The following FBXO42 variants were observed in gnomAD, a reference collection of about 807,000 sequenced individuals.
FBXO42 encodes the protein F-box only protein 42.
A neutral mutation model predicts 71.7 loss-of-function variants in FBXO42; 12 were observed. The observed-to-expected ratio is 0.17, with a 90% CI of 0.11 to 0.27. FBXO42 has a LOEUF of 0.27. FBXO42 is among the 10% of genes least tolerant of loss of function. The pLI, the probability that FBXO42 is intolerant of heterozygous loss-of-function variation, is 1.00. For missense variants in FBXO42, 707 were observed against 911.9 expected, an observed-to-expected ratio of 0.78 and a Z score of 2.89; for synonymous variants, 325 against 327.5, an observed-to-expected ratio of 0.99 and a Z score of 0.08.
intron 4 of FBXO42, among the ~76,000 whole-genome samples, chr1:16,257,988 C>CT (rs1179932041): frequency 3.0e-4 from 45 of 150,232 alleles, no homozygotes; most frequent in Non-Finnish European, 5.3e-4. Context: ...GCTGAGAATA[C>CT]TTTTTTTTTT....
intron 4 of FBXO42, among the ~76,000 whole-genome samples, chr1:16,270,437 T>C (rs2081827173): frequency 6.6e-6 from 1 of 152,126 alleles, no homozygotes; most frequent in South Asian, 2.1e-4. Flanking sequence ...CTGAAGTACT[T>C]AGGATTTGTC....
chr1:16,260,190 T>G (rs2081695681), intron 4 of FBXO42, among the ~76,000 whole-genome samples: 2 of 150,020 alleles, frequency 1.3e-5, no homozygotes, highest in Admixed American at 1.3e-4. Flanking sequence ...AGCATCTACA[T>G]CTATTATGTA....
chr1:16,294,535 T>G (rs961636518), intron 4 of FBXO42: 1 of 451,310 alleles, frequency 2.2e-6, no homozygotes, highest in African/African-American at 2.0e-5. Context: ...GAGAAAACCA[T>G]GCAAATGAAT....
At chr1:16,295,323 CA>C (rs1442672331) in intron 3 of FBXO42, among the ~76,000 whole-genome samples, 1 of 152,194 alleles carries the variant, frequency 6.6e-6, no homozygotes, top group Non-Finnish European at 1.5e-5. Flanking sequence ...TCCTTTCCTC[CA>C]ATTCTCCTAT....
At chr1:16,259,108 C>T (rs1440875484) in intron 4 of FBXO42, among the ~76,000 whole-genome samples, 1 of 152,102 alleles carries the variant, frequency 6.6e-6, no homozygotes, top group Non-Finnish European at 1.5e-5. Flanking sequence ...CCTCAAATCC[C>T]ACAAGAATAG....
intron 2 of FBXO42, among the ~76,000 whole-genome samples, chr1:16,307,793 A>C (rs1471848859): frequency 6.6e-6 from 1 of 152,198 alleles, no homozygotes; most frequent in Non-Finnish European, 1.5e-5. Flanking sequence ...CAAAGAACTA[A>C]ATAAAGAGAT....
chr1:16,255,907 T>TAGGATTATCATTTTA, intron 5 of FBXO42, 86 bp from the exon 6 acceptor site: 1 of 886,512 alleles, frequency 1.1e-6, no homozygotes, highest in Non-Finnish European at 1.7e-6. Context: ...TTTAAAATGA[T>TAGGATTATCATTTTA]AATCCTATCA....
intron 3 of FBXO42, among the ~76,000 whole-genome samples, chr1:16,299,460 C>T (rs2100542051): frequency 6.6e-6 from 1 of 152,220 alleles, no homozygotes; most frequent in East Asian, 1.9e-4. Flanking sequence ...AAGAGGAAGG[C>T]ACAGCCCAAA....
In FBXO42 at chr1:16,329,450, G is replaced by A. The variant is rs185929855; in HGVS notation, c.-17-14015C>T. ...ATACAAAAAATTAGCCAGGCGTGGC[G>A]GTGTGCGCCTGTAGTCCCAGCTACT... is the stretch of plus-strand genomic sequence containing the variant. On this transcript the variant is annotated intron_variant, in intron 1 of 9. Transcript: ENST00000375592. Among the ~76,000 whole-genome samples, 700 of 151,916 alleles carry A rather than the reference G, an allele frequency of 4.6e-3. 7 individuals carry two copies. The highest frequency in any genetic ancestry group is 0.016 in the African/African-American group (672 of 41,454).
chr1:16,268,635 T>A (rs2081803530), intron 4 of FBXO42, among the ~76,000 whole-genome samples: 1 of 151,986 alleles, frequency 6.6e-6, no homozygotes, highest in Admixed American at 6.5e-5. Flanking sequence ...AAATAACATC[T>A]TAACTCCTTC....
chr1:16,276,000 G>A (rs1056504316), intron 4 of FBXO42, among the ~76,000 whole-genome samples: 2 of 152,000 alleles, frequency 1.3e-5, no homozygotes, highest in African/African-American at 4.8e-5. Context: ...GAGCCTCCTA[G>A]AATTCAAGGT....
chr1:16,277,012 A>G (rs537824760), intron 4 of FBXO42, among the ~76,000 whole-genome samples: 20 of 152,378 alleles, frequency 1.3e-4, no homozygotes, highest in Admixed American at 1.3e-3. Context: ...AACATGGAGG[A>G]GAAATAGCTA....
chr1:16,278,368 AC>A (rs1171414357), intron 4 of FBXO42, among the ~76,000 whole-genome samples: 41 of 151,618 alleles, frequency 2.7e-4, no homozygotes, highest in African/African-American at 9.8e-4. Flanking sequence ...AAAAAAAAAA[AC>A]AAAAAACAAA....
intron 1 of FBXO42, among the ~76,000 whole-genome samples, chr1:16,346,637 G>A (rs569711112): frequency 1.2e-3 from 177 of 149,936 alleles, no homozygotes; most frequent in Non-Finnish European, 2.2e-3. Flanking sequence ...GCAGTGAGCC[G>A]AGATTGCGCC....
chr1:16,292,124 AG>A (rs2082085572), intron 4 of FBXO42, among the ~76,000 whole-genome samples: 1 of 152,250 alleles, frequency 6.6e-6, no homozygotes, highest in Non-Finnish European at 1.5e-5. Context: ...TTAAACATTC[AG>A]GAGTTTGTAT....
chr1:16,344,486 C>CTTTTT (rs59077549), intron 1 of FBXO42, among the ~76,000 whole-genome samples: 5 of 87,160 alleles, frequency 5.7e-5, no homozygotes, highest in African/African-American at 8.9e-5. Flanking sequence ...ACCCAGCTAA[C>CTTTTT]TTTTTTTTTT....
chr1:16,333,456 A>G (rs2082522484), intron 1 of FBXO42, among the ~76,000 whole-genome samples: 1 of 131,904 alleles, frequency 7.6e-6, no homozygotes, highest in African/African-American at 2.7e-5. Flanking sequence ...CCCATTTCCA[A>G]GAAGAAAAAA....
intron 1 of FBXO42, among the ~76,000 whole-genome samples, chr1:16,350,721 T>G (rs1285438157): frequency 1.2e-5 from 1 of 82,432 alleles, no homozygotes; most frequent in Non-Finnish European, 2.3e-5. Context: ...CACTCCAGCC[T>G]GGATGACAGA....
At chr1:16,274,437 T>G (rs1019367878) in intron 4 of FBXO42, among the ~76,000 whole-genome samples, 11 of 151,992 alleles carry the variant, frequency 7.2e-5, no homozygotes, top group African/African-American at 2.7e-4. Context: ...GGGGCTTTTT[T>G]GAGGTGAAGA....
Sources: allele counts gnomAD v4.1 joint callset (sites outside exome capture counted in the v4.1 genomes callset), GRCh38; gene constraint gnomAD v4.1.1; transcripts MANE v1.5; gene names NCBI Gene and HGNC (gene_info 2026-07-23, HGNC 2026-07-21).